The following DGKB variants were observed in gnomAD, a reference collection of about 807,000 sequenced individuals.
DGKB encodes the protein 90 kDa diacylglycerol kinase.
DGKB carries 67 observed loss-of-function variants against 114.3 expected under a neutral mutation model. That is an observed-to-expected ratio of 0.59 (90% CI 0.48 to 0.72). DGKB has a LOEUF of 0.72. Ranked by LOEUF, DGKB falls within the 30% of genes least tolerant of loss-of-function variation. The pLI, the probability that DGKB is intolerant of heterozygous loss-of-function variation, is 0.00. For synonymous variants in DGKB, 398 were observed against 323.1 expected, an observed-to-expected ratio of 1.23 and a Z score of -2.49; for missense variants, 907 against 975.2, an observed-to-expected ratio of 0.93 and a Z score of 0.93.
At chr7:14,246,519 A>G (rs773400164) in intron 23 of DGKB, among the ~76,000 whole-genome samples, 2 of 152,166 alleles carry the variant, frequency 1.3e-5, no homozygotes, top group Non-Finnish European at 2.9e-5. Flanking sequence ...TGAGAATACC[A>G]TATATGATTT....
intron 21 of DGKB, among the ~76,000 whole-genome samples, chr7:14,444,737 T>C (rs780732837): frequency 6.6e-6 from 1 of 151,892 alleles, no homozygotes; most frequent in Non-Finnish European, 1.5e-5. Context: ...ATGTAATGCA[T>C]GTAAAGCTTT....
chr7:14,745,219 C>A (rs1425750371), intron 4 of DGKB, among the ~76,000 whole-genome samples: 3 of 152,126 alleles, frequency 2.0e-5, no homozygotes, highest in African/African-American at 7.2e-5. Context: ...CTCTTCTCAC[C>A]TTCAGGCCAT....
chr7:14,699,399 T>G (rs1475488238), intron 7 of DGKB, among the ~76,000 whole-genome samples: 2 of 152,172 alleles, frequency 1.3e-5, no homozygotes, highest in Non-Finnish European at 2.9e-5. Flanking sequence ...GACTGTTACG[T>G]AGGCATGTGA....
chr7:14,915,039 C>T (rs1784174679), intron 1 of DGKB, among the ~76,000 whole-genome samples: 1 of 151,930 alleles, frequency 6.6e-6, no homozygotes, highest in African/African-American at 2.4e-5. Context: ...GGGACAATTA[C>T]AAACATAAGC....
rs959296002 is a variant in DGKB, at chr7:14,448,825, C to A, written c.1835+29336G>T. ...TCTGTTTCAAATTCTGTGTTATTAACTATTACACTATCAAAGTGAGGGAAC... is the reference window on the plus strand; with the variant it reads ...TCTGTTTCAAATTCTGTGTTATTAAATATTACACTATCAAAGTGAGGGAAC... On this transcript the variant is annotated intron_variant, in intron 21 of 25. Transcript: ENST00000402815. Among the ~76,000 whole-genome samples the A allele has an allele frequency of 1.4e-4, 21 of 152,140 alleles. 1 individual carries two copies. The highest frequency in any genetic ancestry group is 1.1e-3 in the Admixed American group (17 of 15,256).
chr7:14,640,705 T>C (rs1254015663), intron 13 of DGKB, among the ~76,000 whole-genome samples: 3 of 152,146 alleles, frequency 2.0e-5, no homozygotes, highest in Non-Finnish European at 4.4e-5. Flanking sequence ...CCAAAAGTTA[T>C]ATGTGACTTA....
chr7:14,773,858 A>G (rs1837768060), intron 2 of DGKB, among the ~76,000 whole-genome samples: 1 of 152,190 alleles, frequency 6.6e-6, no homozygotes, highest in African/African-American at 2.4e-5. Flanking sequence ...TGTTAGTGCT[A>G]AACAGTTACA....
At chr7:14,576,016 C>T (rs1799067362) in intron 19 of DGKB, among the ~76,000 whole-genome samples, 1 of 152,146 alleles carries the variant, frequency 6.6e-6, no homozygotes. Flanking sequence ...CACTTCTTAC[C>T]TTACACAGGT....
At chr7:14,744,331 C>T (rs1200166778) in intron 4 of DGKB, among the ~76,000 whole-genome samples, 1 of 152,172 alleles carries the variant, frequency 6.6e-6, no homozygotes, top group Non-Finnish European at 1.5e-5. Flanking sequence ...TTTACCAAGG[C>T]TTTGACTGGA....
rs957782328 is a variant in DGKB, at chr7:14,367,484, C to T, written c.1836-22093G>A. Among the ~76,000 whole-genome samples, 132 of 152,156 alleles carry T rather than the reference C, an allele frequency of 8.7e-4. 5 individuals are homozygous for T. The highest frequency in any genetic ancestry group is 1.0e-3 in the Admixed American group (16 of 15,270). On this transcript the variant is annotated intron_variant, in intron 21 of 25. Coordinates refer to ENST00000402815, the MANE Select transcript of DGKB (RefSeq NM_001350709.2). ...TTTGCTCTTCCTTCACTTTCCGCCA[C>T]GGTCGTGAGGCCTCCCCAGCCACAT...
At chr7:14,662,895 T>C (rs1357860) in intron 13 of DGKB, among the ~76,000 whole-genome samples, 122,396 of 151,276 alleles carry the variant, frequency 0.81, 49,438 homozygotes, top group East Asian at 0.89. Context: ...TATGATTACA[T>C]AGTTATGGTA....
intron 23 of DGKB, chr7:14,269,078 G>T (rs912313356): frequency 9.2e-5 from 14 of 152,196 alleles, no homozygotes; most frequent in African/African-American, 2.4e-4. Context: ...TTGCGTGGCT[G>T]TTGGCTGGAG....
intron 2 of DGKB, among the ~76,000 whole-genome samples, chr7:14,800,873 C>T (rs1393201978): frequency 1.3e-5 from 2 of 152,034 alleles, no homozygotes; most frequent in African/African-American, 2.4e-5. Flanking sequence ...CCCAATCCTT[C>T]AGGAATGGAG....
intron 23 of DGKB, among the ~76,000 whole-genome samples, chr7:14,202,664 TTG>T (rs540138121): frequency 2.6e-4 from 40 of 152,108 alleles, no homozygotes; most frequent in African/African-American, 9.6e-4. Flanking sequence ...ATTAAATGTT[TTG>T]TGTTTTCAAA....
chr7:14,892,999 T>C (rs929037228), intron 1 of DGKB, among the ~76,000 whole-genome samples: 2 of 151,120 alleles, frequency 1.3e-5, no homozygotes, highest in African/African-American at 2.4e-5. Flanking sequence ...TATATATGTA[T>C]ATATGTGTAT....
intron 17 of DGKB, among the ~76,000 whole-genome samples, chr7:14,597,202 C>T (rs958309729): frequency 6.6e-6 from 1 of 151,728 alleles, no homozygotes; most frequent in Non-Finnish European, 1.5e-5. Context: ...AGCAAGACTC[C>T]GTCTCAAAAA....
At chr7:14,801,594 T>TC (rs1562571170) in intron 2 of DGKB, among the ~76,000 whole-genome samples, 2 of 152,114 alleles carry the variant, frequency 1.3e-5, no homozygotes, top group African/African-American at 4.8e-5. Flanking sequence ...CCCTTTTTTT[T>TC]CTGCCTGCCT....
rs1468826176 is a variant in DGKB, at chr7:14,341,022, G to A, written c.1927-2312C>T. Among the ~76,000 whole-genome samples the A allele has an allele frequency of 2.6e-5, 4 of 151,578 alleles. No homozygotes were observed. In the East Asian group the frequency reaches 5.8e-4, roughly 22 times the overall value. ...TAAAAAAAAGAATTGAACCAGCTGA[G>A]TTACATGTGACAATTGAAAAACATG... On this transcript the variant is annotated intron_variant, in intron 22 of 25. Transcript: ENST00000402815.
chr7:14,840,315 A>G (rs903319136), intron 2 of DGKB, among the ~76,000 whole-genome samples: 13 of 151,708 alleles, frequency 8.6e-5, no homozygotes, highest in Non-Finnish European at 1.8e-4. Context: ...CATTCTCTAT[A>G]TATTGCTTTT....
Sources: allele counts gnomAD v4.1 joint callset (sites outside exome capture counted in the v4.1 genomes callset), GRCh38; gene constraint gnomAD v4.1.1; transcripts MANE v1.5; gene names NCBI Gene and HGNC (gene_info 2026-07-23, HGNC 2026-07-21).